TMEM132C: variants seen among roughly 807,000 people sequenced by gnomAD.
The protein encoded by TMEM132C is transmembrane protein 132C.
In TMEM132C, 29 loss-of-function variants were observed where a neutral mutation model predicts 61.4. The ratio of observed to expected loss-of-function variants is 0.47; its 90% CI spans 0.35 to 0.64. The LOEUF (loss-of-function observed/expected upper bound fraction) is 0.64. Ranked by LOEUF, TMEM132C falls within the 30% of genes least tolerant of loss-of-function variation. The pLI, the probability that TMEM132C is intolerant of heterozygous loss-of-function variation, is 0.00. For missense variants in TMEM132C, 1,408 were observed against 1,476.9 expected (o/e 0.95, Z 0.76); for synonymous variants, 656 against 633.1 (o/e 1.04, Z -0.54).
chr12:128,468,628 C>G (rs962165704), intron 2 of TMEM132C, among the ~76,000 whole-genome samples: 1 of 152,054 alleles, frequency 6.6e-6, no homozygotes, highest in African/African-American at 2.4e-5. Context: ...CAAATTTACT[C>G]TAAACAAACA....
At chr12:128,545,237 C>T (rs1293504166) in intron 3 of TMEM132C, among the ~76,000 whole-genome samples, 2 of 152,198 alleles carry the variant, frequency 1.3e-5, no homozygotes, top group African/African-American at 4.8e-5. Flanking sequence ...GTTTTCTGTT[C>T]CTCCATTAAT....
chr12:128,391,894 AT>A (rs1874775215), intron 1 of TMEM132C, among the ~76,000 whole-genome samples: 1 of 152,124 alleles, frequency 6.6e-6, no homozygotes, highest in Non-Finnish European at 1.5e-5. Context: ...TAGTCTTTAT[AT>A]TTTTTAATGG....
chr12:128,428,947 A>G (rs1869289870), intron 2 of TMEM132C, among the ~76,000 whole-genome samples: 1 of 152,170 alleles, frequency 6.6e-6, no homozygotes, highest in African/African-American at 2.4e-5. Flanking sequence ...ATGCATTATT[A>G]TTTTTATTAC....
intron 4 of TMEM132C, among the ~76,000 whole-genome samples, chr12:128,668,491 C>G (rs778550370): frequency 9.2e-5 from 14 of 152,102 alleles, no homozygotes; most frequent in Non-Finnish European, 1.8e-4. Flanking sequence ...GAGACACAGC[C>G]CATTATTTCC....
chr12:128,332,730 T>G (rs1292430537), intron 1 of TMEM132C, among the ~76,000 whole-genome samples: 1 of 152,238 alleles, frequency 6.6e-6, no homozygotes, highest in African/African-American at 2.4e-5. Context: ...GTGTCCACTG[T>G]GGACCTGAGT....
At chr12:128,546,783 G>C (rs1873966515) in intron 3 of TMEM132C, among the ~76,000 whole-genome samples, 1 of 152,150 alleles carries the variant, frequency 6.6e-6, no homozygotes, top group South Asian at 2.1e-4. Flanking sequence ...GACCCACCTG[G>C]GTAATCCCAG....
chr12:128,577,758 C>A (rs966976164), intron 3 of TMEM132C, among the ~76,000 whole-genome samples: 1 of 152,210 alleles, frequency 6.6e-6, no homozygotes, highest in African/African-American at 2.4e-5. Flanking sequence ...TTAACTCCCC[C>A]CAGGGCCTGG....
chr12:128,648,865 G>A (rs1395552367), intron 4 of TMEM132C, among the ~76,000 whole-genome samples: 1 of 144,506 alleles, frequency 6.9e-6, no homozygotes, highest in African/African-American at 2.9e-5. Context: ...CATTGGATGA[G>A]TGTGTTTACT....
intron 1 of TMEM132C, among the ~76,000 whole-genome samples, chr12:128,395,120 GTTA>G (rs941973970): frequency 1.1e-4 from 17 of 150,904 alleles, no homozygotes; most frequent in Non-Finnish European, 1.9e-4. Context: ...TCAGTTTCTT[GTTA>G]TTGTAACATA....
intron 1 of TMEM132C, among the ~76,000 whole-genome samples, chr12:128,299,294 C>T (rs1403501344): frequency 2.6e-5 from 4 of 152,192 alleles, no homozygotes; most frequent in African/African-American, 9.7e-5. Context: ...ATCTTCTACA[C>T]TGAATCCATG....
chr12:128,493,849 C>T (rs1231856462), intron 2 of TMEM132C, among the ~76,000 whole-genome samples: 1 of 152,132 alleles, frequency 6.6e-6, no homozygotes, highest in Non-Finnish European at 1.5e-5. Flanking sequence ...ATTTCTTTCT[C>T]CTGCCTGATT....
At chr12:128,272,090 G>A (rs1210874492) in intron 1 of TMEM132C, among the ~76,000 whole-genome samples, 1 of 152,176 alleles carries the variant, frequency 6.6e-6, no homozygotes, top group East Asian at 1.9e-4. Flanking sequence ...ATAGTTCTAA[G>A]TTTCGACAAA....
At chr12:128,343,464 T>C (rs1216808469) in intron 1 of TMEM132C, among the ~76,000 whole-genome samples, 1 of 151,540 alleles carries the variant, frequency 6.6e-6, no homozygotes. Flanking sequence ...CTTATTTAGA[T>C]ATCCCTAAAG....
At chr12:128,542,037 C>T (rs1427152577) in intron 2 of TMEM132C, among the ~76,000 whole-genome samples, 1 of 152,186 alleles carries the variant, frequency 6.6e-6, no homozygotes, top group Non-Finnish European at 1.5e-5. Flanking sequence ...GTTTAATTGG[C>T]TGCTTCCTAA....
intron 3 of TMEM132C, among the ~76,000 whole-genome samples, chr12:128,571,236 G>GCCTGCCT (rs539995576): frequency 7.0e-4 from 107 of 152,230 alleles, no homozygotes; most frequent in Middle Eastern, 3.4e-3. Context: ...AACCCTTATT[G>GCCTGCCT]CCTGCCTTCT....
intron 1 of TMEM132C, among the ~76,000 whole-genome samples, chr12:128,309,052 G>T (rs1871882775): frequency 6.6e-6 from 1 of 152,028 alleles, no homozygotes; most frequent in African/African-American, 2.4e-5. Flanking sequence ...GACAATTTGG[G>T]GGAGGGGTGG....
Position 128,369,547 on chromosome 12 carries a change from C to G in TMEM132C, c.86-45185C>G, listed in dbSNP as rs573834012. ...TTCATGCTTAACTAGGGCTGTTTAA[C>G]TGGGTACAGCAGGAGGTAACACAGG... On this transcript the variant is annotated intron_variant, in intron 1 of 8. Transcript: ENST00000435159. Among the ~76,000 whole-genome samples, 6 of 152,304 alleles carry G rather than the reference C, an allele frequency of 3.9e-5. No individual in the cohort carries two copies. The East Asian group carries it at 1.2e-3, about 29-fold the overall frequency.
intron 1 of TMEM132C, among the ~76,000 whole-genome samples, chr12:128,317,864 C>T (rs1872202908): frequency 6.6e-6 from 1 of 152,172 alleles, no homozygotes; most frequent in Admixed American, 6.5e-5. Context: ...CTCCACTGTA[C>T]TCCATCCTGG....
At chr12:128,405,552 C>T (rs1264246542) in intron 1 of TMEM132C, among the ~76,000 whole-genome samples, 1 of 152,160 alleles carries the variant, frequency 6.6e-6, no homozygotes, top group East Asian at 1.9e-4. Flanking sequence ...GTATCTTCAG[C>T]AACCAACACT....
Sources: allele counts gnomAD v4.1 joint callset (sites outside exome capture counted in the v4.1 genomes callset), GRCh38; gene constraint gnomAD v4.1.1; transcripts MANE v1.5; gene names NCBI Gene and HGNC (gene_info 2026-07-23, HGNC 2026-07-21).